The following DENND4A variants were observed in gnomAD, a reference collection of about 807,000 sequenced individuals.
The protein encoded by DENND4A is C-myc promoter-binding protein.
In DENND4A, 70 loss-of-function variants were observed where a neutral mutation model predicts 199.3. The ratio of observed to expected loss-of-function variants is 0.35; its 90% CI spans 0.29 to 0.43. The LOEUF is 0.43. DENND4A is among the 20% of genes least tolerant of loss of function. The pLI is 1.00. For synonymous variants in DENND4A, 686 were observed against 766.9 expected, an observed-to-expected ratio of 0.89 and a Z score of 1.74; for missense variants, 1,723 against 2,255.8, an observed-to-expected ratio of 0.76 and a Z score of 4.78.
chr15:65,771,315 A>T (rs1172211749), intron 1 of DENND4A: 4 of 1,590,126 alleles, frequency 2.5e-6, no homozygotes, highest in Non-Finnish European at 8.6e-7. Context: ...CTTTCTTTCC[A>T]GCAGTTATTT....
intron 24 of DENND4A, among the ~76,000 whole-genome samples, chr15:65,676,141 A>AAAAAAAAAAAATATATATAT (rs1362535499): frequency 9.1e-6 from 1 of 110,452 alleles, no homozygotes; most frequent in South Asian, 3.5e-4. Flanking sequence ...AATAAGGAAA[A>AAAAAAAAAAAATATATATAT]ATATATATAT....
intron 3 of DENND4A, among the ~76,000 whole-genome samples, chr15:65,753,002 A>G (rs936751766): frequency 7.2e-5 from 11 of 152,224 alleles, no homozygotes; most frequent in African/African-American, 2.7e-4. Flanking sequence ...AATTTTACAA[A>G]AGGTTACTTG....
chr15:65,785,547 G>A (rs560880076), intron 1 of DENND4A, among the ~76,000 whole-genome samples: 19 of 96,860 alleles, frequency 2.0e-4, no homozygotes, highest in African/African-American at 5.0e-4. Context: ...TGTTTTGTAC[G>A]AGACATTTTT....
chr15:65,745,899 C>T (rs904667073), intron 4 of DENND4A, among the ~76,000 whole-genome samples: 7 of 151,682 alleles, frequency 4.6e-5, no homozygotes, highest in Non-Finnish European at 5.9e-5. Flanking sequence ...TTTGGAAGGC[C>T]GAGGTGGGCG....
intron 3 of DENND4A, chr15:65,754,070 T>C (rs1021171140): frequency 3.3e-5 from 5 of 151,928 alleles, no homozygotes; most frequent in Admixed American, 6.6e-5. Flanking sequence ...CTGACCTCAG[T>C]TGATCTACCC....
intron 1 of DENND4A, among the ~76,000 whole-genome samples, chr15:65,764,182 T>C (rs887677550): frequency 6.6e-6 from 1 of 152,160 alleles, no homozygotes; most frequent in Non-Finnish European, 1.5e-5. Context: ...TCTGCCCCAT[T>C]AAACTTAATA....
At chr15:65,760,061 C>T (rs937027726) in intron 2 of DENND4A, among the ~76,000 whole-genome samples, 2 of 152,086 alleles carry the variant, frequency 1.3e-5, no homozygotes, top group Admixed American at 6.6e-5. Flanking sequence ...TATTTATGTG[C>T]TTTCGTGTGT....
chr15:65,790,827 A>C (rs549141289), intron 1 of DENND4A, among the ~76,000 whole-genome samples: 1 of 152,314 alleles, frequency 6.6e-6, no homozygotes, highest in African/African-American at 2.4e-5. Context: ...AAGAGTCCTT[A>C]CTTATTACCC....
chr15:65,660,172 A>G lies in DENND4A; in HGVS notation c.*1679T>C. The G allele has an allele frequency of 1.4e-6, 1 of 714,330 alleles. No individual in the cohort carries two copies. Among genetic ancestry groups the G allele is most frequent in the Admixed American group, 2.2e-5 (1 of 45,366 alleles). 44.2% of individuals were successfully genotyped at this position (714,330 alleles called of 1,614,324 possible). A position where few individuals can be genotyped will look rare whatever the true frequency, so the allele number is the denominator to read the frequency against. On this transcript the variant is annotated 3_prime_UTR_variant, in exon 33 of 33. Coordinates refer to ENST00000443035, the MANE Select transcript of DENND4A (RefSeq NM_001320835.1). The stretch of plus-strand genomic sequence containing the variant: ...GAATAATATTGGAGTGGTATTTACA[A>G]AGGAGAGGCAGATATATGTGCCTAG...
intron 1 of DENND4A, among the ~76,000 whole-genome samples, chr15:65,769,615 A>T (rs1460626580): frequency 6.6e-6 from 1 of 152,116 alleles, no homozygotes; most frequent in East Asian, 1.9e-4. Flanking sequence ...TTAATGAGGT[A>T]CTCGTCATTT....
intron 14 of DENND4A, among the ~76,000 whole-genome samples, chr15:65,708,524 C>T (rs2075135170): frequency 6.6e-6 from 1 of 152,100 alleles, no homozygotes; most frequent in African/African-American, 2.4e-5. Context: ...TACTTATATA[C>T]CAATAAAATC....
At chr15:65,688,175 T>C (rs1328331962) in intron 23 of DENND4A, among the ~76,000 whole-genome samples, 1 of 152,206 alleles carries the variant, frequency 6.6e-6, no homozygotes, top group Non-Finnish European at 1.5e-5. Flanking sequence ...TTTAACCCAT[T>C]TGATCAGTTT....
intron 15 of DENND4A, 95 bp from the exon 16 acceptor site, chr15:65,703,103 C>A: frequency 9.1e-7 from 1 of 1,102,306 alleles, no homozygotes; most frequent in Non-Finnish European, 1.3e-6. Flanking sequence ...CGACCAATAA[C>A]TTCTTCACAT....
intron 7 of DENND4A, among the ~76,000 whole-genome samples, chr15:65,734,720 A>G (rs2076063672): frequency 6.6e-6 from 1 of 152,216 alleles, no homozygotes; most frequent in Non-Finnish European, 1.5e-5. Context: ...AGAAGAAAAC[A>G]AAGTGTGATC....
intron 23 of DENND4A, among the ~76,000 whole-genome samples, chr15:65,684,287 C>T (rs1490263475): frequency 6.6e-6 from 1 of 152,168 alleles, no homozygotes; most frequent in African/African-American, 2.4e-5. Flanking sequence ...TTTAAAGAAG[C>T]TGCCAAATTG....
chr15:65,725,443 G>A (rs376332877), intron 11 of DENND4A, among the ~76,000 whole-genome samples: 3 of 152,138 alleles, frequency 2.0e-5, no homozygotes, highest in East Asian at 1.9e-4. Context: ...TTGGGAGGCC[G>A]AGGCGGGCAG....
intron 1 of DENND4A, among the ~76,000 whole-genome samples, chr15:65,778,764 C>T (rs533787358): frequency 2.6e-5 from 4 of 151,774 alleles, no homozygotes; most frequent in East Asian, 3.9e-4. Flanking sequence ...CATGGTGGCA[C>T]GTGCCTGTAA....
rs2074836077 is a variant in DENND4A, at chr15:65,700,684, C to T, written c.2702-9G>A. 1.3e-6 allele frequency: 2 copies of T among 1,522,400 alleles called. No homozygotes were observed. Among genetic ancestry groups the T allele is most frequent in the African/African-American group, 1.4e-5 (1 of 71,228 alleles). 94.3% of individuals were successfully genotyped at this position (1,522,400 alleles called of 1,614,324 possible). On this transcript the variant is annotated splice_polypyrimidine_tract_variant and intron_variant, in intron 19 of 32. Coordinates refer to ENST00000443035, the MANE Select transcript of DENND4A (RefSeq NM_001320835.1). ...CAGGTCACTGCCATCTGCTTAAGAA[C>T]ACAATTTGACAGCATTTTACTACTC...
chr15:65,763,707 G>C (rs1315912395), intron 1 of DENND4A, among the ~76,000 whole-genome samples: 1 of 146,938 alleles, frequency 6.8e-6, no homozygotes, highest in African/African-American at 2.5e-5. Flanking sequence ...AAAAAAATTC[G>C]ATAGTGTCTT....
Sources: allele counts gnomAD v4.1 joint callset (sites outside exome capture counted in the v4.1 genomes callset), GRCh38; gene constraint gnomAD v4.1.1; transcripts MANE v1.5; gene names NCBI Gene and HGNC (gene_info 2026-07-23, HGNC 2026-07-21).